The following PTP4A1 variants were observed in gnomAD, a reference collection of about 807,000 sequenced individuals.
PTP4A1 encodes the protein protein tyrosine phosphatase type IVA 1.
A neutral mutation model predicts 20.5 loss-of-function variants in PTP4A1; 9 were observed. The ratio of observed to expected loss-of-function variants is 0.44; its 90% CI spans 0.26 to 0.77. The LOEUF is 0.77. Among genes scored for constraint, PTP4A1 ranks in the 30% least tolerant of loss-of-function variants. The pLI, the probability that PTP4A1 is intolerant of heterozygous loss-of-function variation, is 0.19. For missense variants in PTP4A1, 137 were observed against 218.8 expected (o/e 0.63, Z 2.36); for synonymous variants, 78 against 67.4 (o/e 1.16, Z -0.77).
At position 63,544,065 on chromosome 6, in the gene PTP4A1, A is replaced by T. The variant is rs533064767; in HGVS notation, c.-639-6235A>T. Among the ~76,000 whole-genome samples the T allele has an allele frequency of 2.0e-5, 3 of 152,198 alleles. No individual in the cohort carries two copies. In the East Asian group the frequency reaches 5.8e-4, roughly 29 times the overall value. On this transcript the variant is annotated intron_variant, in intron 2 of 3. Coordinates refer to the PTP4A1 transcript ENST00000639568. Reference sequence around the variant, plus strand: ...CCCAACCCCGTATTTCATGTAGAGGAGTTTCCTTTTCTGCCTGTGAGCTGG... The same window carrying T: ...CCCAACCCCGTATTTCATGTAGAGGTGTTTCCTTTTCTGCCTGTGAGCTGG...
chr6:63,541,736 A>G (rs1775983876), intron 2 of PTP4A1, among the ~76,000 whole-genome samples: 1 of 152,162 alleles, frequency 6.6e-6, no homozygotes. Context: ...ATTAAAAAAG[A>G]TGCATTTATT....
Position 63,579,263 on chromosome 6 carries a change from A to G in PTP4A1, c.336A>G (p.Pro112=). 1 of 1,610,004 alleles carries G rather than the reference A, an allele frequency of 6.2e-7. No homozygotes were observed. Among genetic ancestry groups the G allele is most frequent in the Non-Finnish European group, 8.5e-7 (1 of 1,177,938 alleles). The change falls in exon 5 of 6, where the codon CCA becomes CCG. Residue 112 remains proline, a synonymous_variant. Coordinates refer to ENST00000626021, the MANE Select transcript of PTP4A1 (RefSeq NM_003463.5). The part of the protein sequence containing the change: ...VHCVAGLGRA[P]VLVALALIEG... ...AAAATTCTTACCTCACCAGAGCTCC[A>G]GTACTTGTTGCCCTAGCATTAATTG...
intron 2 of PTP4A1, among the ~76,000 whole-genome samples, chr6:63,543,142 C>T (rs1386712253): frequency 6.6e-6 from 1 of 152,096 alleles, no homozygotes; most frequent in Non-Finnish European, 1.5e-5. Context: ...AATTAGAGTG[C>T]TCCTTTGAAG....
intron 1 of PTP4A1, among the ~76,000 whole-genome samples, chr6:63,526,339 AAT>A (rs1775172350): frequency 6.6e-6 from 1 of 151,952 alleles, no homozygotes; most frequent in Non-Finnish European, 1.5e-5. Context: ...TAAATAAATA[AAT>A]AAAAGAAATT....
At chr6:63,567,771 A>C (rs1268438741), upstream of PTP4A1, among the ~76,000 whole-genome samples, 2 of 152,174 alleles carry the variant, frequency 1.3e-5, no homozygotes, top group Non-Finnish European at 2.9e-5. Context: ...CCAGTATAAG[A>C]CTGTTTTGTC....
intron 1 of PTP4A1, chr6:63,573,449 G>C (rs1777622586): frequency 6.6e-6 from 1 of 152,078 alleles, no homozygotes; most frequent in Non-Finnish European, 1.5e-5. Context: ...AAATGGCCTC[G>C]GCGCCCGCGC....
chr6:63,580,430 T>G lies in PTP4A1; in HGVS notation c.*256T>G. Reference sequence around the variant, plus strand: ...CTTGTCATTTGTATCAATTGACCTTTCCCCAAATCATGCAGTATTGAGTTA... The same window carrying G: ...CTTGTCATTTGTATCAATTGACCTTGCCCCAAATCATGCAGTATTGAGTTA... On this transcript the variant is annotated 3_prime_UTR_variant, in exon 6 of 6. Transcript: ENST00000626021. 2.6e-6 allele frequency: 1 copy of G among 391,444 alleles called. No homozygotes were observed. The highest frequency in any genetic ancestry group is 3.9e-5 in the South Asian group (1 of 25,554). 24.2% of individuals were successfully genotyped at this position (391,444 alleles called of 1,614,324 possible). A position where few individuals can be genotyped will look rare whatever the true frequency, so the allele number is the denominator to read the frequency against.
chr6:63,570,991 A>C (rs149605628), upstream of PTP4A1: 132 of 152,318 alleles, frequency 8.7e-4, no homozygotes, highest in African/African-American at 2.9e-3. Context: ...CTTAGAATTT[A>C]AGATTTTAAA....
chr6:63,583,462 C>T lies in PTP4A1; in HGVS notation c.*3288C>T, dbSNP rs1778374088. On this transcript the variant is annotated 3_prime_UTR_variant, in exon 6 of 6. Transcript: ENST00000626021. ...TCTTGGAAGGAAAGTAAGGGAAAAA[C>T]TTGTATTTGCCTTCAATGAATTAAA... 6.6e-6 allele frequency: 1 copy of T among 152,120 alleles called. No homozygotes were observed. The highest frequency in any genetic ancestry group is 2.4e-5 in the African/African-American group (1 of 41,410). 9.4% of individuals were successfully genotyped at this position (152,120 alleles called of 1,614,324 possible).
Position 63,578,922 on chromosome 6 carries a change from C to T in PTP4A1, c.223C>T (p.Pro75Ser). Residue 75 changes from proline to serine, a missense_variant, in exon 4 of 6, where the codon CCA becomes TCA. Transcript: ENST00000626021. ...VLDWPFDDGAPPSNQIVDDWL... is the reference protein window; with the variant it reads ...VLDWPFDDGASPSNQIVDDWL... ...GGATTGGCCTTTTGATGATGGTGCACCACCATCCAACCAGATTGTTGATGA... is the reference window on the plus strand; with the variant it reads ...GGATTGGCCTTTTGATGATGGTGCATCACCATCCAACCAGATTGTTGATGA... 1.6e-5 allele frequency: 25 copies of T among 1,588,580 alleles called. No homozygotes were observed. The highest frequency in any genetic ancestry group is 2.0e-5 in the Non-Finnish European group (24 of 1,170,810).
At chr6:63,526,677 G>A (rs921796782) in intron 1 of PTP4A1, among the ~76,000 whole-genome samples, 6 of 151,192 alleles carry the variant, frequency 4.0e-5, no homozygotes, top group East Asian at 2.0e-4. Context: ...ACGTGGTGGC[G>A]TGTGCCTGTA....
intron 2 of PTP4A1, among the ~76,000 whole-genome samples, chr6:63,545,243 G>A (rs143496201): frequency 2.6e-5 from 4 of 152,248 alleles, no homozygotes; most frequent in Admixed American, 2.0e-4. Context: ...GCAGATTTTG[G>A]TGTCCTTTTC....
At position 63,532,148 on chromosome 6, in the gene PTP4A1, A is replaced by G. The variant is rs567744938; in HGVS notation, c.-640+4064A>G. Among the ~76,000 whole-genome samples the G allele has an allele frequency of 1.1e-3, 168 of 152,302 alleles. 1 individual carries two copies. The highest frequency in any genetic ancestry group is 2.0e-3 in the Non-Finnish European group (135 of 68,022). On this transcript the variant is annotated intron_variant, in intron 2 of 3. Transcript: ENST00000639568. ...TTCTTATGACAACTTTATAATAGTTAATAAAGAAAAAATTAGAAATAACAA... is the reference window on the plus strand; with the variant it reads ...TTCTTATGACAACTTTATAATAGTTGATAAAGAAAAAATTAGAAATAACAA...
intron 3 of PTP4A1, among the ~76,000 whole-genome samples, chr6:63,557,069 G>A (rs2149493337): frequency 6.6e-6 from 1 of 152,296 alleles, no homozygotes; most frequent in Middle Eastern, 3.4e-3. Flanking sequence ...TATGTGCCAA[G>A]TACTGTGTTA....
At chr6:63,549,471 G>C in intron 2 of PTP4A1, 1 of 793,442 alleles carries the variant, frequency 1.3e-6, no homozygotes. Flanking sequence ...CAGGGCCGGA[G>C]CCACCTTCTT....
At chr6:63,543,019 C>T (rs149414768) in intron 2 of PTP4A1, among the ~76,000 whole-genome samples, 14 of 152,274 alleles carry the variant, frequency 9.2e-5, no homozygotes, top group Admixed American at 2.6e-4. Context: ...AGTTCCACTA[C>T]CCATCACAAC....
At chr6:63,543,198 G>T (rs1776052492) in intron 2 of PTP4A1, among the ~76,000 whole-genome samples, 1 of 152,148 alleles carries the variant, frequency 6.6e-6, no homozygotes, top group Non-Finnish European at 1.5e-5. Context: ...CAGTTTGCCA[G>T]ACTTGTCCCT....
At chr6:63,578,608 CTATT>C (rs1281274986) in intron 3 of PTP4A1, 79 bp downstream of exon 3, 18 of 1,508,984 alleles carry the variant, frequency 1.2e-5, no homozygotes, top group African/African-American at 2.9e-5. Flanking sequence ...AAATAAATAT[CTATT>C]TAAGTCATAA....
intron 2 of PTP4A1, among the ~76,000 whole-genome samples, chr6:63,528,633 C>T (rs1438433670): frequency 6.6e-6 from 1 of 151,560 alleles, no homozygotes; most frequent in Admixed American, 6.6e-5. Context: ...TGGTGGTGTG[C>T]GCCTGTCATC....
Sources: allele counts gnomAD v4.1 joint callset (sites outside exome capture counted in the v4.1 genomes callset), GRCh38; gene constraint gnomAD v4.1.1; transcripts MANE v1.5; gene names NCBI Gene and HGNC (gene_info 2026-07-23, HGNC 2026-07-21).